Variants in RAB11FIP1 observed in about 807,000 individuals in gnomAD.
RAB11FIP1 encodes the protein rab11 family-interacting protein 1.
A neutral mutation model predicts 83.1 loss-of-function variants in RAB11FIP1; 49 were observed. The ratio of observed to expected loss-of-function variants is 0.59; its 90% CI spans 0.47 to 0.75. The LOEUF is 0.75. RAB11FIP1 is among the 30% of genes least tolerant of loss of function. The pLI, the probability that RAB11FIP1 is intolerant of heterozygous loss-of-function variation, is 0.00. For missense variants in RAB11FIP1, 1,536 were observed against 1,598.7 expected, an observed-to-expected ratio of 0.96 and a Z score of 0.67; for synonymous variants, 670 against 656.0, an observed-to-expected ratio of 1.02 and a Z score of -0.33.
At chr8:37,868,389 TC>T (rs1806384446) in intron 5 of RAB11FIP1, among the ~76,000 whole-genome samples, 1 of 140,354 alleles carries the variant, frequency 7.1e-6, no homozygotes, top group Admixed American at 7.6e-5. Flanking sequence ...GCCATTGCAC[TC>T]CATCCTAGGC....
rs540013535 is a variant in RAB11FIP1, at chr8:37,872,164, A to C, written c.2638T>G (p.Ser880Ala). ...GGGAGGAGGAGGTGATCCGCTGGGG[A>C]GGCTGGCGCACCACACGTCGCTGGC... is the stretch of plus-strand genomic sequence containing the variant. ...PGPATCGAPASPADHLLLPSQ... is the reference protein window; with the variant it reads ...PGPATCGAPAAPADHLLLPSQ... The change falls in exon 4 of 6, where the codon TCC becomes GCC. Residue 880 changes from serine to alanine, a missense_variant. Physicochemically the swap from Ser to Ala is moderately conservative, Grantham distance 99 (BLOSUM62 1). Transcript: ENST00000330843. 6.2e-7 allele frequency: 1 copy of C among 1,613,922 alleles called. No homozygotes were observed. The highest frequency in any genetic ancestry group is 1.1e-5 in the South Asian group (1 of 91,058).
intron 1 of RAB11FIP1, 157 bp from the exon 2 acceptor site, chr8:37,877,708 ATTTTTTTTTTTTTTTTTT>A (rs59670170): frequency 4.7e-6 from 1 of 210,766 alleles, no homozygotes; most frequent in East Asian, 1.1e-4. Flanking sequence ...TGAGAGCAGA[ATTTTTTTTTTTTTTTTTT>A]TTTTTTTTTT....
At chr8:37,898,820 T>TA (rs770267245) in intron 1 of RAB11FIP1, among the ~76,000 whole-genome samples, 2,192 of 84,114 alleles carry the variant, frequency 0.026, 62 homozygotes, top group African/African-American at 0.073. Flanking sequence ...AGACTCTGTC[T>TA]AAAAAAAAAA....
At chr8:37,863,638 C>A (rs1252414411) in intron 5 of RAB11FIP1, among the ~76,000 whole-genome samples, 1 of 152,146 alleles carries the variant, frequency 6.6e-6, no homozygotes, top group Non-Finnish European at 1.5e-5. Context: ...TGAGCCTTTG[C>A]GGGCCACAGA....
rs1305413544 is a variant in RAB11FIP1 at position 37,860,073 on chromosome 8, A to C, written c.*2822T>G. 1 of 152,786 alleles carries C rather than the reference A, an allele frequency of 6.5e-6. No homozygotes were observed. Among genetic ancestry groups the C allele is most frequent in the African/African-American group, 2.4e-5 (1 of 41,448 alleles). The allele number at this position is 152,786 out of a possible 1,614,324, so 9.5% of individuals were successfully genotyped here. ...GAGTCAATTGTCCTTCATTGTCCAG[A>C]GCTACCAAGTGGCATTTCAGAGCAC... On this transcript the variant is annotated 3_prime_UTR_variant, in exon 6 of 6. Coordinates refer to ENST00000330843, the MANE Select transcript of RAB11FIP1 (RefSeq NM_001002814.3).
At position 37,872,304 on chromosome 8, in the gene RAB11FIP1, C is replaced by T; in HGVS notation, c.2498G>A (p.Ser833Asn). The T allele has an allele frequency of 1.9e-6, 3 of 1,614,056 alleles. No individual in the cohort carries two copies. Among genetic ancestry groups the T allele is most frequent in the South Asian group, 2.2e-5 (2 of 91,070 alleles). Residue 833 changes from serine (S) to asparagine (N), a missense_variant, in exon 4 of 6, where the codon AGT becomes AAT. Coordinates refer to ENST00000330843, the MANE Select transcript of RAB11FIP1 (RefSeq NM_001002814.3). ...GAALLVEGHS[S>N]CPQELNPAWS... is the part of the protein sequence containing the mutation. ...TGCAGGGTTCAGCTCCTGGGGACAA[C>T]TGCTGTGTCCTTCCACCAGCAAGGC...
chr8:37,873,513 G>A (rs921372863), intron 3 of RAB11FIP1, among the ~76,000 whole-genome samples: 1 of 152,104 alleles, frequency 6.6e-6, no homozygotes, highest in Non-Finnish European at 1.5e-5. Context: ...GGCTGAGGCA[G>A]GAGAACTGCT....
chr8:37,888,130 G>A (rs1383585867), intron 1 of RAB11FIP1, among the ~76,000 whole-genome samples: 2 of 152,016 alleles, frequency 1.3e-5, no homozygotes, highest in Admixed American at 6.6e-5. Flanking sequence ...TTTTTGAGAC[G>A]GAGTCTCATT....
At position 37,899,450 on chromosome 8, in the gene RAB11FIP1, T is replaced by G; in HGVS notation, c.-9A>C. ...GAGACCATTAGGGACATGGTGACGA[T>G]AACACTCCAGAAGCGAGGAGAAGAT... On this transcript the variant is annotated 5_prime_UTR_variant, in exon 1 of 6. Transcript: ENST00000330843. This position sits in a 1 kb window ranked among gnomAD's most constrained non-coding sequence, Gnocchi z 4.5. 7.2e-6 allele frequency: 11 copies of G among 1,534,276 alleles called. No individual in the cohort carries two copies. The highest frequency in any genetic ancestry group is 9.6e-6 in the Non-Finnish European group (11 of 1,144,758).
chr8:37,882,768 C>T (rs998904064), intron 1 of RAB11FIP1, among the ~76,000 whole-genome samples: 10 of 152,178 alleles, frequency 6.6e-5, no homozygotes, highest in African/African-American at 1.9e-4. Context: ...AAGGGCCAGC[C>T]TTGCCTTTCC....
At position 37,872,116 on chromosome 8, in the gene RAB11FIP1, C is replaced by G. The variant is rs138356609; in HGVS notation, c.2686G>C (p.Glu896Gln). ...GAGCTTGCTTCACTCATGGGGACTT[C>G]GGAGAAACTCTCCTCCTGGGAGGGG... Reference protein sequence around the residue: ...LLPSQEESFSEVPMSEASSAK... With the variant: ...LLPSQEESFSQVPMSEASSAK... The change falls in exon 4 of 6, where the codon GAA (glutamate) becomes CAA (glutamine). Residue 896 changes from glutamate (E) to glutamine (Q), a missense_variant. By Grantham distance (29) the Glu-to-Gln change is conservative. Coordinates refer to ENST00000330843, the MANE Select transcript of RAB11FIP1 (RefSeq NM_001002814.3). 1.9e-6 allele frequency: 3 copies of G among 1,613,980 alleles called. No homozygotes were observed. The highest frequency in any genetic ancestry group is 2.5e-6 in the Non-Finnish European group (3 of 1,179,980).
At position 37,877,308 on chromosome 8, in the gene RAB11FIP1, C is replaced by G; in HGVS notation, c.615G>C (p.Glu205Asp). Residue 205 changes from glutamate to aspartate, a missense_variant, in exon 2 of 6, where the codon GAG becomes GAC. Coordinates refer to ENST00000330843, the MANE Select transcript of RAB11FIP1 (RefSeq NM_001002814.3). ...TCTTTTTCTTGTCTTTAACCACAGA[C>G]TCATCATCACTGTCGACCGAAGGTG... is the stretch of plus-strand genomic sequence containing the variant. ...STTPSVDSDD[E>D]SVVKDKKKKS... 1 of 1,614,224 alleles carries G rather than the reference C, an allele frequency of 6.2e-7. No individual in the cohort carries two copies. Among genetic ancestry groups the G allele is most frequent in the Non-Finnish European group, 8.5e-7 (1 of 1,180,030 alleles).
chr8:37,861,820 C>T lies in RAB11FIP1; in HGVS notation c.*1075G>A, dbSNP rs1806240394. 2 of 319,900 alleles carry T rather than the reference C, an allele frequency of 6.3e-6. No individual in the cohort carries two copies. The highest frequency in any genetic ancestry group is 4.8e-5 in the South Asian group (2 of 41,400). 19.8% of individuals were successfully genotyped at this position (319,900 alleles called of 1,614,324 possible). A position where few individuals can be genotyped will look rare whatever the true frequency, so the allele number is the denominator to read the frequency against. Reference sequence around the variant, plus strand: ...GTCAGGCTGGTCTCGAACTCCTGACCTCAAGTGATCCACCCTCCTCGGCCT... The same window carrying T: ...GTCAGGCTGGTCTCGAACTCCTGACTTCAAGTGATCCACCCTCCTCGGCCT... On this transcript the variant is annotated 3_prime_UTR_variant, in exon 6 of 6. Coordinates refer to ENST00000330843, the MANE Select transcript of RAB11FIP1 (RefSeq NM_001002814.3).
intron 1 of RAB11FIP1, among the ~76,000 whole-genome samples, chr8:37,882,761 G>A (rs1335385181): frequency 1.3e-5 from 2 of 152,086 alleles, no homozygotes; most frequent in African/African-American, 4.8e-5. Flanking sequence ...CAATTCCAAG[G>A]GCCAGCCTTG....
At chr8:37,890,312 C>T (rs1033438631) in intron 1 of RAB11FIP1, among the ~76,000 whole-genome samples, 1 of 152,160 alleles carries the variant, frequency 6.6e-6, no homozygotes, top group Non-Finnish European at 1.5e-5. Context: ...TACCTAGACG[C>T]TAGCCATGTC....
chr8:37,887,364 C>T (rs929028873), intron 1 of RAB11FIP1, among the ~76,000 whole-genome samples: 1 of 151,950 alleles, frequency 6.6e-6, no homozygotes. Context: ...AACCCTGCCT[C>T]TACTAAAAAT....
At chr8:37,869,963 C>T (rs1324931945) in intron 5 of RAB11FIP1, among the ~76,000 whole-genome samples, 1 of 151,770 alleles carries the variant, frequency 6.6e-6, no homozygotes, top group Non-Finnish European at 1.5e-5. Context: ...ACATTCTTGC[C>T]AAAGGAAAGG....
chr8:37,867,856 C>T (rs1806373226), intron 5 of RAB11FIP1, among the ~76,000 whole-genome samples: 1 of 152,092 alleles, frequency 6.6e-6, no homozygotes, highest in Non-Finnish European at 1.5e-5. Context: ...CTTCTTTTAC[C>T]AAAAACTTGG....
In RAB11FIP1 at chr8:37,877,397, T is replaced by C. The variant is rs923876990; in HGVS notation, c.526A>G (p.Lys176Glu). The stretch of plus-strand genomic sequence containing the variant: ...CTGTCCTTATTCTTCCCCTTGATCT[T>C]GTCCTTCAGCTTTCCAAATGGATTC... ...SRNPFGKLKD[K>E]IKGKNKDSGS... is the part of the protein sequence containing the mutation. Residue 176 changes from lysine to glutamate, a missense_variant, in exon 2 of 6, where the codon AAG (lysine) becomes GAG (glutamate). Physicochemically the swap from Lys to Glu is moderately conservative, Grantham distance 56. Transcript: ENST00000330843. The C allele has an allele frequency of 6.2e-7, 1 of 1,614,210 alleles. No individual in the cohort carries two copies. Among genetic ancestry groups the C allele is most frequent in the African/African-American group, 1.3e-5 (1 of 75,050 alleles).
Sources: allele counts gnomAD v4.1 joint callset (sites outside exome capture counted in the v4.1 genomes callset), GRCh38; gene constraint gnomAD v4.1.1; non-coding constraint Gnocchi (gnomAD v3.1); transcripts MANE v1.5; gene names NCBI Gene and HGNC (gene_info 2026-07-23, HGNC 2026-07-21).